RBFOX1: variants seen among roughly 807,000 people sequenced by gnomAD.
The protein encoded by RBFOX1 is RNA binding protein fox-1 homolog 1.
Under a neutral mutation model 57.7 loss-of-function variants are expected in RBFOX1, and 8 were observed. The ratio of observed to expected loss-of-function variants is 0.14; its 90% CI spans 0.08 to 0.25. RBFOX1 has a LOEUF of 0.25. RBFOX1 is among the 10% of genes least tolerant of loss of function. The probability of loss-of-function intolerance (pLI) is 1.00; values close to 1 mark genes in which losing one functional copy is unlikely to be tolerated. For missense variants in RBFOX1, 611 were observed against 548.5 expected (o/e 1.11, Z -1.14); for synonymous variants, 326 against 222.4 (o/e 1.47, Z -4.15).
At chr16:6,626,085 A>G (rs749590456) in intron 2 of RBFOX1, among the ~76,000 whole-genome samples, 1 of 151,922 alleles carries the variant, frequency 6.6e-6, no homozygotes, top group Non-Finnish European at 1.5e-5. Context: ...AGTCACACCA[A>G]TATGCGTCTC....
chr16:7,196,975 C>G (rs942351939), intron 4 of RBFOX1, among the ~76,000 whole-genome samples: 1 of 152,146 alleles, frequency 6.6e-6, no homozygotes, highest in African/African-American at 2.4e-5. Context: ...AATCTTTGCA[C>G]GCAAGTCTGG....
chr16:5,844,608 A>G (rs981298170), intron 3 of RBFOX1, among the ~76,000 whole-genome samples: 3 of 152,226 alleles, frequency 2.0e-5, no homozygotes, highest in African/African-American at 7.2e-5. Context: ...GGAAGGGGGA[A>G]AAATAAGCAG....
intron 2 of RBFOX1, among the ~76,000 whole-genome samples, chr16:5,518,526 A>G (rs1431412497): frequency 6.6e-6 from 1 of 152,236 alleles, no homozygotes; most frequent in African/African-American, 2.4e-5. Context: ...TGGGTCAACC[A>G]GTGATGCCAA....
chr16:5,603,803 T>C (rs115023019), downstream of RBFOX1, among the ~76,000 whole-genome samples: 1,717 of 152,282 alleles, frequency 0.011, 30 homozygotes, highest in African/African-American at 0.038. Flanking sequence ...ACTGAGAAAC[T>C]TGCAGGTACA....
intron 1 of RBFOX1, among the ~76,000 whole-genome samples, chr16:5,424,978 CTTTTCT>C (rs1444587898): frequency 0.015 from 547 of 36,704 alleles, 72 homozygotes; most frequent in African/African-American, 0.049. Context: ...TTCTTTCTTT[CTTTTCT>C]TTTCTTTTCT....
At chr16:6,053,998 G>C (rs1030706474) in intron 1 of RBFOX1, among the ~76,000 whole-genome samples, 27 of 152,256 alleles carry the variant, frequency 1.8e-4, no homozygotes, top group African/African-American at 6.3e-4. Context: ...TGAGGTTACA[G>C]TGTTGGTGCC....
chr16:6,029,271 A>T lies in RBFOX1; in HGVS notation c.-127+9279A>T, dbSNP rs916719485. Among the ~76,000 whole-genome samples the T allele has an allele frequency of 5.3e-5, 8 of 152,236 alleles. No homozygotes were observed. In the South Asian group the frequency reaches 1.7e-3, roughly 31 times the overall value. On this transcript the variant is annotated intron_variant, in intron 1 of 15. Coordinates refer to ENST00000550418, the MANE Select transcript of RBFOX1 (RefSeq NM_018723.4). ...CTGTGTAAACCTAAAATAATCTTCA[A>T]AAGTTCATAACAAGAACAAGGAACC... is the stretch of plus-strand genomic sequence containing the variant.
At chr16:7,328,099 G>T (rs1347620320) in intron 4 of RBFOX1, among the ~76,000 whole-genome samples, 1 of 152,094 alleles carries the variant, frequency 6.6e-6, no homozygotes, top group African/African-American at 2.4e-5. Context: ...CAAACTCCTG[G>T]GCTCAAGTGA....
chr16:7,035,832 A>G (rs1029992501), intron 3 of RBFOX1, among the ~76,000 whole-genome samples: 1 of 152,106 alleles, frequency 6.6e-6, no homozygotes, highest in Non-Finnish European at 1.5e-5. Flanking sequence ...TGTGAAGCAT[A>G]TGTCTTCCAG....
chr16:6,937,554 C>G (rs1308742167), intron 3 of RBFOX1, among the ~76,000 whole-genome samples: 1 of 152,134 alleles, frequency 6.6e-6, no homozygotes, highest in Non-Finnish European at 1.5e-5. Flanking sequence ...GGTCAAGGCA[C>G]AGCCTAGTTT....
chr16:5,528,991 A>G (rs1399612114), intron 2 of RBFOX1, among the ~76,000 whole-genome samples: 1 of 151,898 alleles, frequency 6.6e-6, no homozygotes, highest in Admixed American at 6.6e-5. Context: ...CCTGATTCTC[A>G]TCTGGTTGCA....
At chr16:6,518,793 G>GTCTA (rs1163846016) in intron 2 of RBFOX1, among the ~76,000 whole-genome samples, 195 of 90,322 alleles carry the variant, frequency 2.2e-3, no homozygotes, top group Middle Eastern at 5.9e-3. Flanking sequence ...CTGTCTGTGT[G>GTCTA]TCTGTCTATC....
chr16:5,456,135 T>C (rs536527345), intron 1 of RBFOX1, among the ~76,000 whole-genome samples: 1 of 152,128 alleles, frequency 6.6e-6, no homozygotes, highest in South Asian at 2.1e-4. Flanking sequence ...GTGCTTAACA[T>C]GAGGTTATGC....
chr16:6,904,746 AC>A, intron 3 of RBFOX1, among the ~76,000 whole-genome samples: 1 of 151,334 alleles, frequency 6.6e-6, no homozygotes. Flanking sequence ...CTCGCCTTGC[AC>A]CTGCTGGGAA....
intron 1 of RBFOX1, among the ~76,000 whole-genome samples, chr16:5,374,714 G>GT (rs60956026): frequency 0.28 from 39,716 of 144,210 alleles, 5,585 homozygotes; most frequent in Middle Eastern, 0.39. Context: ...ATCTCTATGT[G>GT]TTTTTTTTTT....
At chr16:7,287,606 C>T (rs1002294562) in intron 4 of RBFOX1, among the ~76,000 whole-genome samples, 1 of 152,104 alleles carries the variant, frequency 6.6e-6, no homozygotes, top group African/African-American at 2.4e-5. Context: ...TTTATTTTTC[C>T]TTATAATGAA....
chr16:7,029,716 G>C (rs2042303394), intron 3 of RBFOX1, among the ~76,000 whole-genome samples: 1 of 152,114 alleles, frequency 6.6e-6, no homozygotes, highest in African/African-American at 2.4e-5. Flanking sequence ...ATTATAGGGT[G>C]GTAGCATCTC....
intron 1 of RBFOX1, among the ~76,000 whole-genome samples, chr16:6,220,680 A>G (rs921061710): frequency 1.3e-5 from 2 of 151,492 alleles, no homozygotes; most frequent in Admixed American, 6.6e-5. Context: ...TTTACTGTAG[A>G]TGTATTTTTC....
At chr16:6,308,746 T>C (rs950321401) in intron 1 of RBFOX1, among the ~76,000 whole-genome samples, 2 of 152,164 alleles carry the variant, frequency 1.3e-5, no homozygotes, top group African/African-American at 4.8e-5. Context: ...CGACCAGGTA[T>C]CAGGAGTTGT....
Sources: allele counts gnomAD v4.1 joint callset (sites outside exome capture counted in the v4.1 genomes callset), GRCh38; gene constraint gnomAD v4.1.1; transcripts MANE v1.5; gene names NCBI Gene and HGNC (gene_info 2026-07-23, HGNC 2026-07-21).